The following KAZN variants were observed in gnomAD, a reference collection of about 807,000 sequenced individuals.
KAZN encodes the protein kazrin.
In KAZN, 40 loss-of-function variants were observed where a neutral mutation model predicts 87.4. That is an observed-to-expected ratio of 0.46 (90% CI 0.36 to 0.60). The LOEUF (loss-of-function observed/expected upper bound fraction) is 0.60. Among genes scored for constraint, KAZN ranks in the 20% least tolerant of loss-of-function variants. The probability of loss-of-function intolerance (pLI) is 0.00; values close to 1 mark genes in which losing one functional copy is unlikely to be tolerated. For missense variants in KAZN, 898 were observed against 1,073.9 expected, an observed-to-expected ratio of 0.84 and a Z score of 2.29; for synonymous variants, 466 against 458.3, an observed-to-expected ratio of 1.02 and a Z score of -0.22.
In KAZN at chr1:14,667,806, C is replaced by CAA. The variant is rs33915856; in HGVS notation, c.226+68597_226+68598dup. Among the ~76,000 whole-genome samples, 792 of 115,780 alleles carry CAA rather than the reference C, an allele frequency of 6.8e-3. 4 individuals carry two copies. The highest frequency in any genetic ancestry group is 0.024 in the African/African-American group (761 of 31,564). The allele number at this position is 115,780 out of a possible 152,430, so 76.0% of individuals were successfully genotyped here. A position where few individuals can be genotyped will look rare whatever the true frequency, so the allele number is the denominator to read the frequency against. On this transcript the variant is annotated intron_variant, in intron 1 of 14. Transcript: ENST00000376030. ...ACCCTCTTTTATGTAGATGAGTTCT[C>CAA]AAAAAAAAAAAAAAAGAATGAAAAT... is the stretch of plus-strand genomic sequence containing the variant.
intron 2 of KAZN, among the ~76,000 whole-genome samples, chr1:14,353,766 T>C (rs904905214): frequency 1.3e-5 from 2 of 152,182 alleles, no homozygotes; most frequent in Admixed American, 6.5e-5. Context: ...TTATAAAATA[T>C]TGATGACAGA....
chr1:14,251,129 T>C (rs1446268550), intron 2 of KAZN, among the ~76,000 whole-genome samples: 1 of 152,208 alleles, frequency 6.6e-6, no homozygotes, highest in Admixed American at 6.5e-5. Flanking sequence ...AGCCTAATTC[T>C]GGGGTCTTCC....
At chr1:14,583,678 T>C (rs1386829690) in intron 2 of KAZN, among the ~76,000 whole-genome samples, 1 of 152,130 alleles carries the variant, frequency 6.6e-6, no homozygotes, top group East Asian at 1.9e-4. Flanking sequence ...AGGGGGCAGC[T>C]ATGGGACTTT....
intron 1 of KAZN, among the ~76,000 whole-genome samples, chr1:14,652,455 C>CCA (rs1638448523): frequency 7.0e-6 from 1 of 142,002 alleles, no homozygotes; most frequent in Non-Finnish European, 1.5e-5. Flanking sequence ...ACCCACCCAT[C>CCA]TGCCTATCCA....
intron 2 of KAZN, among the ~76,000 whole-genome samples, chr1:14,390,000 CAAAAATT>C (rs1451806277): frequency 6.6e-6 from 1 of 151,570 alleles, no homozygotes; most frequent in African/African-American, 2.4e-5. Context: ...TATGTATGCA[CAAAAATT>C]AAAAATTAAA....
intron 2 of KAZN, among the ~76,000 whole-genome samples, chr1:14,332,076 CTTTT>C (rs1224833650): frequency 9.9e-5 from 15 of 152,076 alleles, no homozygotes; most frequent in South Asian, 6.2e-4. Flanking sequence ...TCACATTCTT[CTTTT>C]TTTATTTTAT....
Position 14,799,829 on chromosome 1 carries a change from C to T in KAZN, c.227-160855C>T, listed in dbSNP as rs562702994. On this transcript the variant is annotated intron_variant, in intron 1 of 14. Transcript: ENST00000376030. ...TTAGTTTCATTTCTGAAATCTTACA[C>T]GATATTTTATAGGAAGCCTTGGAGA... Among the ~76,000 whole-genome samples, 39 of 152,194 alleles carry T rather than the reference C, an allele frequency of 2.6e-4. 1 individual carries two copies. Among genetic ancestry groups the T allele is most frequent in the South Asian group, 2.1e-3 (10 of 4,828 alleles).
At chr1:14,112,118 C>A (rs1430409291) in intron 1 of KAZN, among the ~76,000 whole-genome samples, 1 of 130,836 alleles carries the variant, frequency 7.6e-6, no homozygotes, top group Non-Finnish European at 1.6e-5. Context: ...GCAGCTTTGC[C>A]ATATCTGACT....
chr1:14,660,662 T>C (rs1230218754), intron 1 of KAZN, among the ~76,000 whole-genome samples: 1 of 149,312 alleles, frequency 6.7e-6, no homozygotes, highest in Non-Finnish European at 1.5e-5. Context: ...CTATGATCTA[T>C]CTACAGGATT....
chr1:14,760,229 CT>C (rs1356294173), intron 1 of KAZN, among the ~76,000 whole-genome samples: 1 of 152,184 alleles, frequency 6.6e-6, no homozygotes, highest in African/African-American at 2.4e-5. Context: ...TAATACATCA[CT>C]TGGGCCCAAA....
intron 1 of KAZN, among the ~76,000 whole-genome samples, chr1:14,850,632 T>G (rs372416944): frequency 1.3e-5 from 2 of 152,324 alleles, no homozygotes; most frequent in East Asian, 3.9e-4. Flanking sequence ...GTTGCAAACT[T>G]GAGGACGGGG....
At chr1:14,775,153 G>T (rs1197752750) in intron 1 of KAZN, among the ~76,000 whole-genome samples, 1 of 152,220 alleles carries the variant, frequency 6.6e-6, no homozygotes, top group Non-Finnish European at 1.5e-5. Flanking sequence ...CTGGGACATT[G>T]GCAACCAGGT....
At chr1:14,224,276 GGAA>G (rs1411987361) in intron 2 of KAZN, among the ~76,000 whole-genome samples, 1 of 152,188 alleles carries the variant, frequency 6.6e-6, no homozygotes, top group East Asian at 1.9e-4. Flanking sequence ...GGAACCAGTG[GGAA>G]GAAGGACCAA....
chr1:14,335,580 AT>A (rs1657197333), intron 2 of KAZN, among the ~76,000 whole-genome samples: 1 of 151,966 alleles, frequency 6.6e-6, no homozygotes, highest in Non-Finnish European at 1.5e-5. Flanking sequence ...TCCTGCCATG[AT>A]TTTAAGTTTC....
intron 1 of KAZN, among the ~76,000 whole-genome samples, chr1:14,052,951 G>A (rs192047229): frequency 6.6e-5 from 10 of 152,240 alleles, no homozygotes; most frequent in East Asian, 1.9e-4. Context: ...AGGATGACCC[G>A]CAGGAGGTTT....
chr1:14,298,484 T>C (rs1297902672), intron 2 of KAZN, among the ~76,000 whole-genome samples: 2 of 152,236 alleles, frequency 1.3e-5, no homozygotes, highest in South Asian at 4.1e-4. Flanking sequence ...TTTATGAGTT[T>C]AGATTTGTAA....
intron 1 of KAZN, among the ~76,000 whole-genome samples, chr1:14,073,291 C>G (rs1191378635): frequency 6.6e-6 from 1 of 152,182 alleles, no homozygotes; most frequent in African/African-American, 2.4e-5. Flanking sequence ...TGGCCACAAA[C>G]TCTAGTGTAC....
Position 14,393,090 on chromosome 1 carries a change from T to C in KAZN, c.250-205893T>C, listed in dbSNP as rs1662593816. Among the ~76,000 whole-genome samples the C allele has an allele frequency of 2.0e-5, 3 of 152,310 alleles. No homozygotes were observed. The South Asian group carries it at 6.2e-4, about 32-fold the overall frequency. Reference sequence around the variant, plus strand: ...CTCATTTGTGCAAACTTGAATATTGTTTGTTTTTAAGGTTCCACCATCTCT... The same window carrying C: ...CTCATTTGTGCAAACTTGAATATTGCTTGTTTTTAAGGTTCCACCATCTCT... On this transcript the variant is annotated intron_variant, in intron 2 of 16. Coordinates refer to the KAZN transcript ENST00000636203.
chr1:14,740,035 C>A (rs1247967465), intron 1 of KAZN, among the ~76,000 whole-genome samples: 1 of 152,168 alleles, frequency 6.6e-6, no homozygotes, highest in Non-Finnish European at 1.5e-5. Flanking sequence ...TTCTAGGAGG[C>A]ACCTGGATAC....
Sources: gnomAD v4.1 joint callset for allele counts (sites outside exome capture counted in the v4.1 genomes callset) on GRCh38, gnomAD v4.1.1 for gene constraint, MANE v1.5 for transcripts, NCBI Gene and HGNC (gene_info 2026-07-23, HGNC 2026-07-21) for gene names.